FIP1L1: variants seen among roughly 807,000 people sequenced by gnomAD.
FIP1L1 encodes the protein factor interacting with PAPOLA and CPSF1.
FIP1L1 carries 21 observed loss-of-function variants against 84.6 expected under a neutral mutation model. That is an observed-to-expected ratio of 0.25 (90% CI 0.18 to 0.36). FIP1L1 has a LOEUF of 0.36. FIP1L1 is among the 10% of genes least tolerant of loss of function. The pLI, the probability that FIP1L1 is intolerant of heterozygous loss-of-function variation, is 1.00. For synonymous variants in FIP1L1, 263 were observed against 242.3 expected (o/e 1.09, Z -0.80); for missense variants, 526 against 751.1 (o/e 0.70, Z 3.50).
chr4:53,404,911 C>A (rs1752412215), intron 10 of FIP1L1, among the ~76,000 whole-genome samples: 1 of 150,992 alleles, frequency 6.6e-6, no homozygotes, highest in Admixed American at 6.6e-5. Flanking sequence ...GATATTAGCC[C>A]TTTGTCAGAT....
intron 10 of FIP1L1, among the ~76,000 whole-genome samples, chr4:53,411,454 T>A (rs1186162105): frequency 6.6e-6 from 1 of 152,000 alleles, no homozygotes; most frequent in Non-Finnish European, 1.5e-5. Flanking sequence ...TACTTTGCAG[T>A]CATTGTGAAA....
intron 4 of FIP1L1, among the ~76,000 whole-genome samples, chr4:53,383,205 T>TA (rs889015338): frequency 7.7e-4 from 115 of 149,206 alleles, no homozygotes; most frequent in Non-Finnish European, 1.3e-3. Flanking sequence ...ATATGATAGT[T>TA]AAAAAAAAAA....
At chr4:53,395,071 A>T (rs1746505216) in intron 9 of FIP1L1, among the ~76,000 whole-genome samples, 1 of 152,330 alleles carries the variant, frequency 6.6e-6, no homozygotes, top group South Asian at 2.1e-4. Context: ...TTAGAAAATT[A>T]GTCATAATGT....
intron 11 of FIP1L1, among the ~76,000 whole-genome samples, chr4:53,422,790 C>A (rs1762901718): frequency 6.6e-6 from 1 of 151,858 alleles, no homozygotes; most frequent in African/African-American, 2.4e-5. Flanking sequence ...TCACAGTTTA[C>A]TGCATCCTTC....
At chr4:53,429,034 T>G (rs1036580414) in intron 13 of FIP1L1, among the ~76,000 whole-genome samples, 3 of 152,228 alleles carry the variant, frequency 2.0e-5, no homozygotes, top group Admixed American at 1.3e-4. Flanking sequence ...GCAAGAGAGC[T>G]GTCTTTGTTT....
chr4:53,414,583 T>A, intron 10 of FIP1L1, 32 bp from the exon 11 acceptor site: 1 of 1,499,926 alleles, frequency 6.7e-7, no homozygotes, highest in South Asian at 1.2e-5. Flanking sequence ...CAACAATATG[T>A]AAGAAAAAAC....
Position 53,443,669 on chromosome 4 carries a change from C to T in FIP1L1, c.1230-379C>T, listed in dbSNP as rs79229628. 6.5e-3 allele frequency among the ~76,000 whole-genome samples: 996 copies of T among 152,106 alleles called. 12 individuals are homozygous for T. Among genetic ancestry groups the T allele is most frequent in the African/African-American group, 0.023 (962 of 41,508 alleles). On this transcript the variant is annotated intron_variant, in intron 14 of 17. Transcript: ENST00000337488. ...CTCAGTCAAAATGTTAAAAAGTATT[C>T]TTTGTTAATCCTGTCAGTGGGGCTG...
intron 11 of FIP1L1, among the ~76,000 whole-genome samples, chr4:53,419,082 G>C (rs1761052301): frequency 6.6e-6 from 1 of 151,986 alleles, no homozygotes; most frequent in Non-Finnish European, 1.5e-5. Context: ...TCCTATCATT[G>C]ATACATTTAA....
At chr4:53,449,402 G>A (rs986193539) in intron 15 of FIP1L1, among the ~76,000 whole-genome samples, 4 of 152,194 alleles carry the variant, frequency 2.6e-5, no homozygotes, top group Middle Eastern at 3.4e-3. Flanking sequence ...ATCTGTTAAT[G>A]TGACAAATTA....
intron 10 of FIP1L1, among the ~76,000 whole-genome samples, chr4:53,409,735 G>A (rs1756065889): frequency 6.6e-6 from 1 of 152,194 alleles, no homozygotes; most frequent in Non-Finnish European, 1.5e-5. Context: ...CTGGCAGTTT[G>A]ATCTCAGACT....
intron 10 of FIP1L1, among the ~76,000 whole-genome samples, chr4:53,407,680 A>G (rs566819896): frequency 6.6e-6 from 1 of 150,738 alleles, no homozygotes; most frequent in African/African-American, 2.4e-5. Context: ...TTGCTTTATG[A>G]TTCTGGGTGC....
chr4:53,399,118 A>ACTC (rs1446738083), intron 9 of FIP1L1, among the ~76,000 whole-genome samples: 3 of 152,188 alleles, frequency 2.0e-5, no homozygotes, highest in African/African-American at 7.2e-5. Flanking sequence ...GCACGACTGT[A>ACTC]CTCCAGCCTG....
intron 9 of FIP1L1, among the ~76,000 whole-genome samples, chr4:53,394,896 G>GT (rs1746422576): frequency 6.6e-6 from 1 of 151,932 alleles, no homozygotes. Flanking sequence ...TGTTTGTAAA[G>GT]TTAAACTTTT....
chr4:53,426,852 G>A (rs1764556307), intron 12 of FIP1L1, among the ~76,000 whole-genome samples: 1 of 152,096 alleles, frequency 6.6e-6, no homozygotes, highest in Admixed American at 6.6e-5. Context: ...ATTGAGGGGA[G>A]ATAAATTATC....
chr4:53,458,590 A>G, intron 16 of FIP1L1, 63 bp from the exon 17 acceptor site: 1 of 1,537,688 alleles, frequency 6.5e-7, no homozygotes, highest in Non-Finnish European at 8.8e-7. Context: ...TCTCTTTTAC[A>G]GTTTGAATCC....
intron 4 of FIP1L1, 119 bp downstream of exon 4, chr4:53,382,454 T>C: frequency 1.4e-6 from 1 of 705,766 alleles, no homozygotes; most frequent in Non-Finnish European, 2.5e-6. Flanking sequence ...TATCTGGCCC[T>C]TTCTTACATC....
intron 13 of FIP1L1, among the ~76,000 whole-genome samples, chr4:53,438,338 A>G (rs1448914831): frequency 2.0e-5 from 3 of 152,204 alleles, no homozygotes; most frequent in Non-Finnish European, 4.4e-5. Context: ...CTCTTTTATT[A>G]AGAAAAGTCA....
intron 10 of FIP1L1, among the ~76,000 whole-genome samples, chr4:53,405,264 G>A (rs928574837): frequency 3.3e-5 from 5 of 151,874 alleles, no homozygotes; most frequent in Non-Finnish European, 7.4e-5. Flanking sequence ...ATTAAATAGG[G>A]AATCCTTTCC....
chr4:53,406,944 T>A (rs186163549), intron 10 of FIP1L1, among the ~76,000 whole-genome samples: 19 of 152,342 alleles, frequency 1.2e-4, no homozygotes, highest in African/African-American at 4.6e-4. Flanking sequence ...ATTTTGTTGA[T>A]CTTTTCAAAA....
Sources: gnomAD v4.1 joint callset for allele counts (sites outside exome capture counted in the v4.1 genomes callset) on GRCh38, gnomAD v4.1.1 for gene constraint, MANE v1.5 for transcripts, NCBI Gene and HGNC (gene_info 2026-07-23, HGNC 2026-07-21) for gene names.